The following NALF1 variants were observed in gnomAD, a reference collection of about 807,000 sequenced individuals.
NALF1 encodes the protein NALCN channel auxiliary factor 1, also known as family with sequence similarity 155 member A.
A neutral mutation model predicts 48.4 loss-of-function variants in NALF1; 3 were observed. The ratio of observed to expected loss-of-function variants is 0.06; its 90% CI spans 0.03 to 0.16. The LOEUF is 0.16. Among genes scored for constraint, NALF1 ranks in the 10% least tolerant of loss-of-function variants. The probability of loss-of-function intolerance (pLI) is 1.00; values close to 1 mark genes in which losing one functional copy is unlikely to be tolerated. For missense variants in NALF1, 526 were observed against 571.5 expected (o/e 0.92, Z 0.81); for synonymous variants, 262 against 245.7 (o/e 1.07, Z -0.62).
rs370267508 is a variant in NALF1, at chr13:107,812,108, T to G, written c.915+53574A>C. Among the ~76,000 whole-genome samples the G allele has an allele frequency of 3.3e-5, 5 of 152,296 alleles. No individual in the cohort carries two copies. The East Asian group carries it at 7.7e-4, about 24-fold the overall frequency. ...AACAGAATTATTAATAGCAGCATTTTAAAATTGATCAAATCTTAGTGAAGT... is the reference window on the plus strand; with the variant it reads ...AACAGAATTATTAATAGCAGCATTTGAAAATTGATCAAATCTTAGTGAAGT... On this transcript the variant is annotated intron_variant, in intron 1 of 2. Coordinates refer to ENST00000375915, the MANE Select transcript of NALF1 (RefSeq NM_001080396.3).
chr13:107,774,755 T>C (rs1277381524), intron 1 of NALF1, among the ~76,000 whole-genome samples: 1 of 152,152 alleles, frequency 6.6e-6, no homozygotes, highest in East Asian at 1.9e-4. Flanking sequence ...ACGGAGTCTC[T>C]GGGAATGGAT....
chr13:107,396,223 A>C (rs568997321), intron 1 of NALF1, among the ~76,000 whole-genome samples: 5 of 152,090 alleles, frequency 3.3e-5, no homozygotes, highest in Non-Finnish European at 5.9e-5. Flanking sequence ...TTATGTCCTC[A>C]TCTAACCTCC....
chr13:107,520,051 T>C (rs1352853432), intron 1 of NALF1, among the ~76,000 whole-genome samples: 1 of 152,198 alleles, frequency 6.6e-6, no homozygotes, highest in Non-Finnish European at 1.5e-5. Context: ...TGATGATCTT[T>C]AGTGTCTTCT....
chr13:107,718,372 A>G (rs1437068619), intron 1 of NALF1, among the ~76,000 whole-genome samples: 1 of 152,148 alleles, frequency 6.6e-6, no homozygotes, highest in Non-Finnish European at 1.5e-5. Context: ...GTTCCCACAG[A>G]ACCTGCCTCA....
At chr13:107,415,377 GAGT>G (rs765789598) in intron 1 of NALF1, among the ~76,000 whole-genome samples, 15 of 150,186 alleles carry the variant, frequency 1.0e-4, no homozygotes, top group East Asian at 2.0e-4. Context: ...CATAAGGAGA[GAGT>G]TTTTTTTTTT....
At chr13:107,659,618 C>T (rs575759429) in intron 1 of NALF1, among the ~76,000 whole-genome samples, 8 of 150,178 alleles carry the variant, frequency 5.3e-5, no homozygotes, top group African/African-American at 1.9e-4. Context: ...TGTTTTTTTT[C>T]TTTTTATATG....
intron 1 of NALF1, among the ~76,000 whole-genome samples, chr13:107,614,040 C>T (rs1879310017): frequency 6.6e-6 from 1 of 152,180 alleles, no homozygotes; most frequent in South Asian, 2.1e-4. Flanking sequence ...ATGTTTTCAA[C>T]TGTGTTCATC....
chr13:107,679,672 G>A (rs1389482300), intron 1 of NALF1, among the ~76,000 whole-genome samples: 1 of 152,134 alleles, frequency 6.6e-6, no homozygotes, highest in Non-Finnish European at 1.5e-5. Context: ...CATCCAGGAG[G>A]TCCTCAGCTC....
At chr13:107,211,357 T>C (rs1414170528) in intron 1 of NALF1, among the ~76,000 whole-genome samples, 1 of 152,184 alleles carries the variant, frequency 6.6e-6, no homozygotes, top group Admixed American at 6.5e-5. Context: ...ACACCCGACA[T>C]AGAGCAGACA....
At chr13:107,408,525 G>A (rs750643801) in intron 1 of NALF1, among the ~76,000 whole-genome samples, 9 of 152,096 alleles carry the variant, frequency 5.9e-5, no homozygotes, top group African/African-American at 9.6e-5. Flanking sequence ...GATTGTAATC[G>A]CTGCTAGAGA....
chr13:107,740,939 T>C (rs1192273351), intron 1 of NALF1, among the ~76,000 whole-genome samples: 1 of 152,124 alleles, frequency 6.6e-6, no homozygotes, highest in Admixed American at 6.5e-5. Flanking sequence ...AGAACAACTG[T>C]AAATATCATT....
At chr13:107,340,176 CT>C (rs5806647) in intron 1 of NALF1, among the ~76,000 whole-genome samples, 110,799 of 141,674 alleles carry the variant, frequency 0.78, 45,419 homozygotes, top group Non-Finnish European at 0.91. Flanking sequence ...ACTTACATTC[CT>C]TTTTTTTTTT....
chr13:107,675,908 G>T (rs769358062), intron 1 of NALF1, among the ~76,000 whole-genome samples: 3 of 152,126 alleles, frequency 2.0e-5, no homozygotes, highest in Non-Finnish European at 4.4e-5. Context: ...AGGAAGGTAA[G>T]AACTTCCCTT....
At chr13:107,801,691 G>A (rs917863947) in intron 1 of NALF1, among the ~76,000 whole-genome samples, 1 of 152,252 alleles carries the variant, frequency 6.6e-6, no homozygotes, top group Middle Eastern at 3.4e-3. Flanking sequence ...AGTTGGATAT[G>A]AGCAGATTTT....
At chr13:107,228,270 T>A (rs773650700) in intron 1 of NALF1, among the ~76,000 whole-genome samples, 4 of 152,172 alleles carry the variant, frequency 2.6e-5, no homozygotes, top group Non-Finnish European at 5.9e-5. Context: ...ATTGCCAAAT[T>A]GACAGTCTAA....
intron 1 of NALF1, among the ~76,000 whole-genome samples, chr13:107,855,800 A>C (rs2138646010): frequency 6.6e-6 from 1 of 152,340 alleles, no homozygotes; most frequent in South Asian, 2.1e-4. Context: ...GATAAAGAAA[A>C]CTGAGTTTGC....
At chr13:107,652,026 TC>T (rs1376147466) in intron 1 of NALF1, among the ~76,000 whole-genome samples, 1 of 152,234 alleles carries the variant, frequency 6.6e-6, no homozygotes, top group Non-Finnish European at 1.5e-5. Context: ...CATGTTTAAC[TC>T]TATAAATAAC....
intron 1 of NALF1, among the ~76,000 whole-genome samples, chr13:107,746,359 C>A (rs1487161725): frequency 2.0e-5 from 3 of 152,054 alleles, no homozygotes; most frequent in African/African-American, 4.8e-5. Context: ...CAGGGTTTAA[C>A]CCAAGGTGCT....
intron 1 of NALF1, among the ~76,000 whole-genome samples, chr13:107,819,790 C>T (rs1041032369): frequency 6.6e-5 from 10 of 151,700 alleles, no homozygotes; most frequent in Non-Finnish European, 1.2e-4. Flanking sequence ...AGCACACACA[C>T]TTCTTTCTCT....
Sources: gnomAD v4.1 joint callset for allele counts (sites outside exome capture counted in the v4.1 genomes callset) on GRCh38, gnomAD v4.1.1 for gene constraint, MANE v1.5 for transcripts, NCBI Gene and HGNC (gene_info 2026-07-23, HGNC 2026-07-21) for gene names.